The following CALN1 variants were observed in gnomAD, a reference collection of about 807,000 sequenced individuals.
CALN1 encodes the protein calcium-binding protein 8.
In CALN1, 17 loss-of-function variants were observed where a neutral mutation model predicts 30.6. That is an observed-to-expected ratio of 0.56 (90% CI 0.38 to 0.83). The LOEUF (loss-of-function observed/expected upper bound fraction) is 0.83. Among genes scored for constraint, CALN1 ranks in the 40% least tolerant of loss-of-function variants. The pLI is 0.00. For synonymous variants in CALN1, 156 were observed against 131.4 expected (o/e 1.19, Z -1.28); for missense variants, 291 against 354.9 (o/e 0.82, Z 1.45).
At chr7:72,139,206 T>C (rs905963074) in intron 3 of CALN1, among the ~76,000 whole-genome samples, 2 of 152,202 alleles carry the variant, frequency 1.3e-5, no homozygotes, top group African/African-American at 2.4e-5. Flanking sequence ...CATCCCCTCT[T>C]TGATGTCCCA....
chr7:72,031,735 T>G lies in CALN1; in HGVS notation c.389-7966A>C, dbSNP rs10269748. Among the ~76,000 whole-genome samples the G allele has an allele frequency of 6.8e-3, 518 of 76,082 alleles. 13 individuals are homozygous for G. Among genetic ancestry groups the G allele is most frequent in the African/African-American group, 0.032 (208 of 6,578 alleles). The allele number at this position is 76,082 out of a possible 152,430, so 49.9% of individuals were successfully genotyped here. A position where few individuals can be genotyped will look rare whatever the true frequency, so the allele number is the denominator to read the frequency against. On this transcript the variant is annotated intron_variant, in intron 4 of 6. Transcript: ENST00000395275. The stretch of plus-strand genomic sequence containing the variant: ...GTTATGTGCCACCACGCCTGGCTAA[T>G]TTTTTTTTTTTTTTTTTTTTTTTTG...
chr7:72,287,024 C>T (rs913226021), intron 2 of CALN1, among the ~76,000 whole-genome samples: 1 of 152,134 alleles, frequency 6.6e-6, no homozygotes, highest in African/African-American at 2.4e-5. Flanking sequence ...AGGAGAAATG[C>T]AAAAACAGTA....
At chr7:71,984,116 T>C (rs1299002124) in intron 5 of CALN1, among the ~76,000 whole-genome samples, 2 of 152,204 alleles carry the variant, frequency 1.3e-5, no homozygotes, top group African/African-American at 2.4e-5. Flanking sequence ...GAAAAGATGA[T>C]GGCTTTCTAG....
chr7:72,345,623 G>A (rs936491955), intron 2 of CALN1, among the ~76,000 whole-genome samples: 1 of 151,966 alleles, frequency 6.6e-6, no homozygotes, highest in African/African-American at 2.4e-5. Context: ...CAAGCAGCAG[G>A]AAGGAGAATT....
At chr7:72,121,287 T>C (rs886766330) in intron 3 of CALN1, among the ~76,000 whole-genome samples, 3 of 142,678 alleles carry the variant, frequency 2.1e-5, no homozygotes, top group Non-Finnish European at 3.0e-5. Context: ...TAATAATATA[T>C]AAATTATATA....
chr7:71,834,549 T>G (rs1036819342), intron 5 of CALN1, among the ~76,000 whole-genome samples: 28 of 152,124 alleles, frequency 1.8e-4, no homozygotes, highest in Non-Finnish European at 3.5e-4. Context: ...TTCTGAGATG[T>G]AAAAGTGTTC....
At chr7:72,233,978 T>C (rs892356861) in intron 3 of CALN1, among the ~76,000 whole-genome samples, 1 of 152,180 alleles carries the variant, frequency 6.6e-6, no homozygotes, top group African/African-American at 2.4e-5. Flanking sequence ...TACTCCAGCC[T>C]GGGCAACAGA....
At chr7:72,379,729 T>G (rs1211615674) in intron 2 of CALN1, among the ~76,000 whole-genome samples, 1 of 152,246 alleles carries the variant, frequency 6.6e-6, no homozygotes, top group Non-Finnish European at 1.5e-5. Flanking sequence ...ATGTTTCTCA[T>G]TTCAGTCATG....
At chr7:72,384,711 C>A (rs1046583339) in intron 2 of CALN1, among the ~76,000 whole-genome samples, 2 of 151,862 alleles carry the variant, frequency 1.3e-5, no homozygotes, top group African/African-American at 4.8e-5. Context: ...TATAAAACTT[C>A]TAGAAGAAAA....
chr7:72,329,386 A>C (rs1801504943), intron 2 of CALN1, among the ~76,000 whole-genome samples: 1 of 152,238 alleles, frequency 6.6e-6, no homozygotes, highest in Non-Finnish European at 1.5e-5. Flanking sequence ...ACTAAGTCAT[A>C]TCATTCACCT....
intron 2 of CALN1, among the ~76,000 whole-genome samples, chr7:72,327,506 C>A (rs1003841309): frequency 6.6e-6 from 1 of 152,046 alleles, no homozygotes; most frequent in Non-Finnish European, 1.5e-5. Flanking sequence ...AATAAATAAA[C>A]GAACACTTCA....
intron 3 of CALN1, among the ~76,000 whole-genome samples, chr7:72,177,464 T>C (rs757717034): frequency 1.4e-4 from 22 of 152,110 alleles, no homozygotes; most frequent in Non-Finnish European, 2.6e-4. Flanking sequence ...CCAAGCTTTA[T>C]ATTACAATAG....
At chr7:72,046,381 C>T (rs938163113) in intron 4 of CALN1, among the ~76,000 whole-genome samples, 15 of 152,040 alleles carry the variant, frequency 9.9e-5, no homozygotes, top group African/African-American at 3.6e-4. Context: ...GCTGAGACTA[C>T]AGGCACACAC....
intron 3 of CALN1, among the ~76,000 whole-genome samples, chr7:72,258,437 A>T (rs1462305480): frequency 6.6e-6 from 1 of 152,226 alleles, no homozygotes; most frequent in Non-Finnish European, 1.5e-5. Flanking sequence ...GATTCAAACA[A>T]GCAGTTTGAA....
At position 71,907,534 on chromosome 7, in the gene CALN1, C is replaced by A. The variant is rs1472434013; in HGVS notation, c.502-97042G>T. ...TTGGAGCTAGAAAAAGACCTGGATT[C>A]CAATTTCAGTCCTTCCCCTATGTGA... On this transcript the variant is annotated intron_variant, in intron 5 of 6. Transcript: ENST00000395275. Among the ~76,000 whole-genome samples the A allele has an allele frequency of 1.3e-5, 2 of 152,170 alleles. 1 individual carries two copies. Among genetic ancestry groups the A allele is most frequent in the African/African-American group, 4.8e-5 (2 of 41,448 alleles).
At position 71,827,775 on chromosome 7, in the gene CALN1, A is replaced by AAAT. The variant is rs1554347604; in HGVS notation, c.502-17284_502-17283insATT. On this transcript the variant is annotated intron_variant, in intron 5 of 6. Coordinates refer to ENST00000395275, the MANE Select transcript of CALN1 (RefSeq NM_031468.4). Reference sequence around the variant, plus strand: ...TGACAGAGTGAGACTCCATCTTAAAAAAATAAATAAATAAATAAATAAATA... The same window carrying AAAT: ...TGACAGAGTGAGACTCCATCTTAAAAAATAAATAAATAAATAAATAAATAAATA... Among the ~76,000 whole-genome samples, 665 of 140,334 alleles carry AAAT rather than the reference A, an allele frequency of 4.7e-3. 6 individuals carry two copies. The highest frequency in any genetic ancestry group is 0.014 in the African/African-American group (537 of 37,094). The allele number at this position is 140,334 out of a possible 152,430, so 92.1% of individuals were successfully genotyped here.
chr7:72,324,104 C>T (rs1386604120), intron 2 of CALN1, among the ~76,000 whole-genome samples: 2 of 151,946 alleles, frequency 1.3e-5, no homozygotes, highest in Admixed American at 1.3e-4. Flanking sequence ...AAATGGTGTC[C>T]GAGTGCCCTG....
chr7:71,811,854 T>C (rs1787981163), intron 5 of CALN1, among the ~76,000 whole-genome samples: 1 of 151,858 alleles, frequency 6.6e-6, no homozygotes, highest in African/African-American at 2.4e-5. Flanking sequence ...AATTTTTGTA[T>C]TTTTAGTAGA....
chr7:72,331,689 T>G (rs959248667), intron 2 of CALN1, among the ~76,000 whole-genome samples: 1 of 152,038 alleles, frequency 6.6e-6, no homozygotes, highest in Non-Finnish European at 1.5e-5. Flanking sequence ...TGTTACCTTG[T>G]TTTTTTTCCA....
Sources: allele counts gnomAD v4.1 joint callset (sites outside exome capture counted in the v4.1 genomes callset), GRCh38; gene constraint gnomAD v4.1.1; transcripts MANE v1.5; gene names NCBI Gene and HGNC (gene_info 2026-07-23, HGNC 2026-07-21).